The following ALX4 variants were observed in gnomAD, a reference collection of about 807,000 sequenced individuals.
ALX4 encodes the protein homeobox protein aristaless-like 4.
Under a neutral mutation model 40.6 loss-of-function variants are expected in ALX4, and 22 were observed. That is an observed-to-expected ratio of 0.54 (90% CI 0.39 to 0.77). The LOEUF is 0.77. Ranked by LOEUF, ALX4 falls within the 30% of genes least tolerant of loss-of-function variation. The pLI is 0.00. For synonymous variants in ALX4, 266 were observed against 240.5 expected, an observed-to-expected ratio of 1.11 and a Z score of -0.98; for missense variants, 556 against 564.8, an observed-to-expected ratio of 0.98 and a Z score of 0.16.
At chr11:44,301,442 G>A (rs1298761432) in intron 1 of ALX4, among the ~76,000 whole-genome samples, 1 of 152,220 alleles carries the variant, frequency 6.6e-6, no homozygotes, top group Non-Finnish European at 1.5e-5. Flanking sequence ...GCTGGGCAGA[G>A]AGCAGGAGTC....
chr11:44,289,863 G>T, intron 1 of ALX4, among the ~76,000 whole-genome samples: 1 of 152,160 alleles, frequency 6.6e-6, no homozygotes, highest in East Asian at 1.9e-4. Flanking sequence ...CCATCTCATG[G>T]CGTGGGTGGT....
At chr11:44,297,297 A>G (rs1375548865) in intron 1 of ALX4, among the ~76,000 whole-genome samples, 1 of 152,228 alleles carries the variant, frequency 6.6e-6, no homozygotes, top group Non-Finnish European at 1.5e-5. Context: ...TAATTAAAAT[A>G]AAGATTTTGA....
Position 44,305,449 on chromosome 11 carries a change from G to C in ALX4, c.466+4148C>G, listed in dbSNP as rs78552725. Among the ~76,000 whole-genome samples, 1,368 of 152,280 alleles carry C rather than the reference G, an allele frequency of 9.0e-3. 28 individuals are homozygous for C. The highest frequency in any genetic ancestry group is 0.031 in the African/African-American group (1,307 of 41,546). On this transcript the variant is annotated intron_variant, in intron 1 of 3. Transcript: ENST00000652299. ...ACAACAGTCGCCCCTTCCTGAGCAG[G>C]CTTCAGTCCCAGGCTCGAGTTTTCC...
At chr11:44,267,433 G>A (rs1956219779) in intron 3 of ALX4, 61 bp downstream of exon 3, 10 of 1,604,520 alleles carry the variant, frequency 6.2e-6, no homozygotes, top group Non-Finnish European at 7.7e-6. Flanking sequence ...TCCTCCAAGG[G>A]GCTCATTCTC....
intron 1 of ALX4, among the ~76,000 whole-genome samples, chr11:44,289,233 A>C (rs1299626195): frequency 6.6e-6 from 1 of 152,192 alleles, no homozygotes; most frequent in Non-Finnish European, 1.5e-5. Context: ...TCGGCAAGGC[A>C]TGTTGCATTT....
chr11:44,266,465 C>T (rs1355177991), intron 3 of ALX4, among the ~76,000 whole-genome samples: 1 of 151,782 alleles, frequency 6.6e-6, no homozygotes, highest in African/African-American at 2.4e-5. Context: ...CAGGCCTGTG[C>T]CCTGCCCTCC....
chr11:44,291,682 A>G (rs1196563884), intron 1 of ALX4, among the ~76,000 whole-genome samples: 1 of 152,140 alleles, frequency 6.6e-6, no homozygotes, highest in Non-Finnish European at 1.5e-5. Context: ...CTAGGATTAC[A>G]GGCATGAGCC....
chr11:44,293,432 T>C lies in ALX4; in HGVS notation c.466+16165A>G, dbSNP rs899164848. 1.0e-4 allele frequency among the ~76,000 whole-genome samples: 15 copies of C among 149,696 alleles called. 1 individual carries two copies. Among genetic ancestry groups the C allele is most frequent in the Admixed American group, 1.0e-3 (15 of 15,066 alleles). ...CATCTTAAAAAAAGAAAAAAAAATA[T>C]ATATATAATGCATGGTGTGTCCCTT... On this transcript the variant is annotated intron_variant, in intron 1 of 3. Transcript: ENST00000652299.
chr11:44,307,420 C>A (rs1405049037), intron 1 of ALX4, among the ~76,000 whole-genome samples: 3 of 152,290 alleles, frequency 2.0e-5, no homozygotes, highest in East Asian at 3.9e-4. Flanking sequence ...GCTGTGGGGG[C>A]CCAGCAGGAC....
At chr11:44,305,832 C>A (rs932464184) in intron 1 of ALX4, among the ~76,000 whole-genome samples, 6 of 152,188 alleles carry the variant, frequency 3.9e-5, no homozygotes, top group African/African-American at 1.4e-4. Context: ...AAAAACCTGT[C>A]GCCACCGAAT....
intron 3 of ALX4, among the ~76,000 whole-genome samples, chr11:44,267,024 G>C (rs1590686354): frequency 6.6e-6 from 1 of 152,358 alleles, no homozygotes; most frequent in Admixed American, 6.5e-5. Context: ...CTGAGGCTCA[G>C]AGATTTGAGA....
At chr11:44,267,462 G>C (rs114123605) in intron 3 of ALX4, 32 bp downstream of exon 3, 1 of 1,612,088 alleles carries the variant, frequency 6.2e-7, no homozygotes, top group East Asian at 2.2e-5. Context: ...AGGGGCTGGG[G>C]ATCGGTGGCG....
chr11:44,271,590 T>C (rs1417513807), intron 2 of ALX4, among the ~76,000 whole-genome samples: 1 of 152,242 alleles, frequency 6.6e-6, no homozygotes, highest in East Asian at 1.9e-4. Flanking sequence ...CCTAAATTTT[T>C]TTTTACCACA....
At chr11:44,305,227 T>C (rs1956459302) in intron 1 of ALX4, among the ~76,000 whole-genome samples, 1 of 152,226 alleles carries the variant, frequency 6.6e-6, no homozygotes, top group African/African-American at 2.4e-5. Context: ...CTTCACTATA[T>C]GTAAATTATA....
chr11:44,267,570 T>G lies in ALX4; in HGVS notation c.830A>C (p.Gln277Pro). Residue 277 changes from glutamine (Q) to proline (P), a missense_variant, in exon 3 of 4, where the codon CAG (glutamine) becomes CCG (proline). Coordinates refer to ENST00000652299, the MANE Select transcript of ALX4 (RefSeq NM_021926.4). ...GAAGTGGGTTCGAACCTGCTGCATC[T>G]GCCCAAAACGCTCCCGCTTCCTCCA... ...AKWRKRERFG[Q>P]MQQVRTHFST... 4 of 1,614,174 alleles carry G rather than the reference T, an allele frequency of 2.5e-6. No homozygotes were observed. The highest frequency in any genetic ancestry group is 3.4e-6 in the Non-Finnish European group (4 of 1,180,026).
chr11:44,264,938 G>T lies in ALX4; in HGVS notation c.1152C>A (p.Gly384=). 6.2e-7 allele frequency: 1 copy of T among 1,613,040 alleles called. No homozygotes were observed. The highest frequency in any genetic ancestry group is 8.5e-7 in the Non-Finnish European group (1 of 1,179,936). The change falls in exon 4 of 4, where the codon GGC becomes GGA. Residue 384 remains glycine (G), a synonymous_variant. Coordinates refer to ENST00000652299, the MANE Select transcript of ALX4 (RefSeq NM_021926.4). ...SPGLNGYELN[G]EPDRKTSSIA... ...TGCTCGAGGTCTTGCGGTCCGGCTC[G>T]CCGTTGAGCTCGTAGCCATTGAGGC... is the stretch of plus-strand genomic sequence containing the variant.
chr11:44,278,790 T>TCAG (rs1421529585), intron 1 of ALX4, among the ~76,000 whole-genome samples: 5 of 152,134 alleles, frequency 3.3e-5, no homozygotes, highest in African/African-American at 1.2e-4. Context: ...CCCTCCTCCC[T>TCAG]TGCTCACCAG....
rs1956270928 is a variant in ALX4 at position 44,275,281 on chromosome 11, A to C, written c.777+67T>G. 1.9e-6 allele frequency: 3 copies of C among 1,567,284 alleles called. No homozygotes were observed. The African/African-American group carries it at 4.1e-5, about 21-fold the overall frequency. ...GTTGGTGGGCAGTCAGGAGACCCCA[A>C]CTGCAGCCAAGAGCCCAGGGACAGG... On this transcript the variant is annotated intron_variant, in intron 2 of 3. Transcript: ENST00000652299.
In ALX4 at chr11:44,262,059, T is replaced by TTCA. The variant is rs1162869249; in HGVS notation, c.*2794_*2795insTGA. ...CTGCTGAGTGAATGCCCATGAGGCA[T>TTCA]TGGAGAGGGGAGCTCCATGCAGCAC... On this transcript the variant is annotated 3_prime_UTR_variant, in exon 4 of 4. Transcript: ENST00000652299. The TTCA allele has an allele frequency of 1.3e-5, 2 of 152,266 alleles. No homozygotes were observed. The highest frequency in any genetic ancestry group is 4.8e-5 in the African/African-American group (2 of 41,450). The allele number at this position is 152,266 out of a possible 1,614,324, so 9.4% of individuals were successfully genotyped here.
Sources: gnomAD v4.1 joint callset for allele counts (sites outside exome capture counted in the v4.1 genomes callset) on GRCh38, gnomAD v4.1.1 for gene constraint, MANE v1.5 for transcripts, NCBI Gene and HGNC (gene_info 2026-07-23, HGNC 2026-07-21) for gene names.